RAD50: variants seen among roughly 807,000 people sequenced by gnomAD.
The protein encoded by RAD50 is RAD50 double strand break repair protein.
In RAD50, 132 loss-of-function variants were observed where a neutral mutation model predicts 168.8. The observed-to-expected ratio is 0.78, with a 90% CI of 0.68 to 0.90. RAD50 has a LOEUF of 0.90. RAD50 is among the 40% of genes least tolerant of loss of function. The pLI is 0.00. For synonymous variants in RAD50, 525 were observed against 497.4 expected, an observed-to-expected ratio of 1.06 and a Z score of -0.74; for missense variants, 1,347 against 1,534.4, an observed-to-expected ratio of 0.88 and a Z score of 2.04.
chr5:132,644,432 C>T lies in RAD50; in HGVS notation c.*2068C>T, dbSNP rs1751806789. 1 of 172,636 alleles carries T rather than the reference C, an allele frequency of 5.8e-6. No individual in the cohort carries two copies. The highest frequency in any genetic ancestry group is 2.4e-5 in the African/African-American group (1 of 42,094). 10.7% of individuals were successfully genotyped at this position (172,636 alleles called of 1,614,324 possible). On this transcript the variant is annotated 3_prime_UTR_variant, in exon 25 of 25. Transcript: ENST00000378823. ...TGGGCTCAAATCCTAGCACACCACT[C>T]ACTAGCTGGGGACCTTGAGCAAGTT...
Position 132,587,983 on chromosome 5 carries a change from A to G in RAD50, c.945A>G (p.Val315=), listed in dbSNP as rs945898690. The change falls in exon 7 of 25, where the codon GTA becomes GTG. Residue 315 remains valine (V), a synonymous_variant. Transcript: ENST00000378823. The part of the protein sequence containing the change: ...NDLYHNHQRT[V]REKERKLVDC... ...TATATCACAATCACCAGAGAACAGT[A>G]AGGGAGAAAGAAAGGAAATTGGTAG... 6.2e-7 allele frequency: 1 copy of G among 1,612,396 alleles called. No individual in the cohort carries two copies. The highest frequency in any genetic ancestry group is 8.5e-7 in the Non-Finnish European group (1 of 1,178,694).
At chr5:132,592,635 C>A in intron 11 of RAD50, 1 of 265,862 alleles carries the variant, frequency 3.8e-6, no homozygotes, top group Non-Finnish European at 7.9e-6. Flanking sequence ...AGAAAGTCAG[C>A]AAGCAAAATG....
intron 2 of RAD50, among the ~76,000 whole-genome samples, chr5:132,574,187 C>G (rs1750355144): frequency 6.6e-6 from 1 of 152,192 alleles, no homozygotes; most frequent in African/African-American, 2.4e-5. Flanking sequence ...CCATAAGGGC[C>G]CCACCCCTGC....
rs780445003 is a variant in RAD50, at chr5:132,603,492, A to G, written c.2397+3A>G. On this transcript the variant is annotated splice_donor_region_variant and intron_variant, in intron 14 of 24. Coordinates refer to ENST00000378823, the MANE Select transcript of RAD50 (RefSeq NM_005732.4). The stretch of plus-strand genomic sequence containing the variant: ...TTACAATTATGGAGAGGTTCCAGGT[A>G]AGTTTATTGTAGTTTAAGGCAGAAT... 6.2e-7 allele frequency: 1 copy of G among 1,613,182 alleles called. No individual in the cohort carries two copies. The highest frequency in any genetic ancestry group is 2.2e-5 in the East Asian group (1 of 44,802).
In RAD50 at chr5:132,579,957, A is replaced by G. The variant is rs1561636222; in HGVS notation, c.647A>G (p.Tyr216Cys). The change falls in exon 5 of 25, where the codon TAT becomes TGT. Residue 216 changes from tyrosine (Y) to cysteine (C), a missense_variant. Tyr to Cys is a radical substitution (Grantham distance 194). This residue lies in a region of RAD50 where 703 missense variants were observed against 767.7 expected (regional missense o/e 0.92). Transcript: ENST00000378823. ...YQMELKYLKQ[Y>C]KEKACEIRDQ... is the part of the protein sequence containing the mutation. ...ATGGAACTAAAATATCTGAAGCAAT[A>G]TAAGGAAAAAGCTTGTGAGATTCGT... 2 of 1,611,900 alleles carry G rather than the reference A, an allele frequency of 1.2e-6. No individual in the cohort carries two copies. Among genetic ancestry groups the G allele is most frequent in the African/African-American group, 1.3e-5 (1 of 75,018 alleles).
At chr5:132,628,211 G>A (rs1238888713) in intron 21 of RAD50, among the ~76,000 whole-genome samples, 1 of 152,150 alleles carries the variant, frequency 6.6e-6, no homozygotes, top group Admixed American at 6.5e-5. Context: ...GTACACTGGG[G>A]AGTCATCAGC....
intron 19 of RAD50, among the ~76,000 whole-genome samples, chr5:132,609,642 C>T (rs1013163975): frequency 9.9e-5 from 15 of 151,934 alleles, no homozygotes; most frequent in African/African-American, 1.7e-4. Context: ...ATTAGCTGGC[C>T]GTGGCGGCGC....
At position 132,608,719 on chromosome 5, in the gene RAD50, G is replaced by T; in HGVS notation, c.2823G>T (p.Gln941His). Reference protein sequence around the residue: ...NKKNTSNKIAQDKLNDIKEKV... With the variant: ...NKKNTSNKIAHDKLNDIKEKV... ...AAAATACAAGCAACAAAATAGCACAGGATAAAGTAAGATTTCATTTATATA... is the reference window on the plus strand; with the variant it reads ...AAAATACAAGCAACAAAATAGCACATGATAAAGTAAGATTTCATTTATATA... Residue 941 changes from glutamine (Q) to histidine (H), a missense_variant, in exon 17 of 25, where the codon CAG (glutamine) becomes CAT (histidine). Gln to His is a conservative substitution (Grantham distance 24). This residue lies in a region of RAD50 where 635 missense variants were observed against 739.2 expected (regional missense o/e 0.86). Transcript: ENST00000378823. 6.3e-7 allele frequency: 1 copy of T among 1,580,668 alleles called. No homozygotes were observed. Among genetic ancestry groups the T allele is most frequent in the South Asian group, 1.2e-5 (1 of 85,882 alleles).
Position 132,603,986 on chromosome 5 carries a change from G to C in RAD50, c.2464G>C (p.Asp822His), listed in dbSNP as rs587782501. The C allele has an allele frequency of 5.0e-6, 8 of 1,613,454 alleles. No homozygotes were observed. The highest frequency in any genetic ancestry group is 1.7e-4 in the Middle Eastern group (1 of 6,050). Reference sequence around the variant, plus strand: ...AGCTAAGCTACAAGGAATAGACTTAGATCGAACTGTCCAACAAGTCAACCA... The same window carrying C: ...AGCTAAGCTACAAGGAATAGACTTACATCGAACTGTCCAACAAGTCAACCA... ...QAAKLQGIDL[D>H]RTVQQVNQEK... Residue 822 changes from aspartate to histidine, a missense_variant, in exon 15 of 25, where the codon GAT becomes CAT. Physicochemically the swap from Asp to His is moderately conservative, Grantham distance 81 (BLOSUM62 -1). Transcript: ENST00000378823.
In RAD50 at chr5:132,599,493, T is replaced by C. The variant is rs537744498; in HGVS notation, c.2207+3683T>C. ...TCTTCCCAATAGTAGGAAATAACAT[T>C]ATAAAACACTTTTTTTAAGTTTAAA... On this transcript the variant is annotated intron_variant, in intron 13 of 24. Transcript: ENST00000378823. Among the ~76,000 whole-genome samples the C allele has an allele frequency of 4.6e-5, 7 of 152,296 alleles. No homozygotes were observed. The East Asian group carries it at 1.2e-3, about 25-fold the overall frequency.
intron 5 of RAD50, among the ~76,000 whole-genome samples, chr5:132,586,997 G>A (rs1396574069): frequency 4.6e-5 from 7 of 152,248 alleles, no homozygotes; most frequent in South Asian, 2.1e-4. Context: ...AGAATGCCCC[G>A]AACCAGATCC....
intron 16 of RAD50, 29 bp from the exon 17 acceptor site, chr5:132,608,586 A>G (rs1751025872): frequency 1.3e-6 from 2 of 1,489,880 alleles, no homozygotes; most frequent in Non-Finnish European, 9.1e-7. Flanking sequence ...GGAATATTAT[A>G]TAATACTTTA....
In RAD50 at chr5:132,640,822, C is replaced by T. The variant is rs1350488185; in HGVS notation, c.3752+17C>T. ...TCTGGTTGAGTAAGTATCTCTTGCACATGCTCTGGTTGAGTAAGTATCTCA... is the reference window on the plus strand; with the variant it reads ...TCTGGTTGAGTAAGTATCTCTTGCATATGCTCTGGTTGAGTAAGTATCTCA... On this transcript the variant is annotated intron_variant, in intron 24 of 24. Coordinates refer to ENST00000378823, the MANE Select transcript of RAD50 (RefSeq NM_005732.4). The T allele has an allele frequency of 6.2e-7, 1 of 1,613,138 alleles. No individual in the cohort carries two copies. The highest frequency in any genetic ancestry group is 8.5e-7 in the Non-Finnish European group (1 of 1,179,480).
intron 1 of RAD50, among the ~76,000 whole-genome samples, chr5:132,558,615 G>A (rs1750058519): frequency 6.6e-6 from 1 of 151,788 alleles, no homozygotes; most frequent in South Asian, 2.1e-4. Flanking sequence ...GGAGGCCGAG[G>A]CGGGAGAATC....
intron 20 of RAD50, 46 bp downstream of exon 20, chr5:132,616,176 C>T (rs539224927): frequency 2.5e-6 from 4 of 1,571,802 alleles, no homozygotes; most frequent in Admixed American, 3.4e-5. Context: ...GTCTTTATTA[C>T]TGGAATGTGA....
In RAD50 at chr5:132,587,607, C is replaced by T. The variant is rs760954965; in HGVS notation, c.802C>T (p.Leu268Phe). Reference protein sequence around the residue: ...IEHNLSKIMKLDNEIKALDSR... With the variant: ...IEHNLSKIMKFDNEIKALDSR... ...ACATAATCTCTCTAAAATAATGAAACTTGACAATGAAATTAAAGCCTTGGA... is the reference window on the plus strand; with the variant it reads ...ACATAATCTCTCTAAAATAATGAAATTTGACAATGAAATTAAAGCCTTGGA... The change falls in exon 6 of 25, where the codon CTT becomes TTT. Residue 268 changes from leucine to phenylalanine, a missense_variant. This residue lies in a region of RAD50 where 703 missense variants were observed against 767.7 expected (regional missense o/e 0.92). Coordinates refer to ENST00000378823, the MANE Select transcript of RAD50 (RefSeq NM_005732.4). 1.2e-6 allele frequency: 2 copies of T among 1,613,426 alleles called. No individual in the cohort carries two copies. Among genetic ancestry groups the T allele is most frequent in the Non-Finnish European group, 1.7e-6 (2 of 1,179,798 alleles).
chr5:132,598,293 G>A (rs926833685), intron 13 of RAD50, among the ~76,000 whole-genome samples: 1 of 151,536 alleles, frequency 6.6e-6, no homozygotes, highest in Non-Finnish European at 1.5e-5. Flanking sequence ...TCAGGCAATC[G>A]CCTGCCTCAG....
chr5:132,564,240 A>G (rs1281954335), intron 2 of RAD50, among the ~76,000 whole-genome samples: 2 of 152,350 alleles, frequency 1.3e-5, no homozygotes, highest in East Asian at 3.9e-4. Flanking sequence ...AAAGTTTGGA[A>G]CTTCCTAGAG....
At chr5:132,637,819 A>G (rs1364516345) in intron 22 of RAD50, among the ~76,000 whole-genome samples, 1 of 152,182 alleles carries the variant, frequency 6.6e-6, no homozygotes, top group African/African-American at 2.4e-5. Flanking sequence ...GGCGTGAGCC[A>G]CCGCGCCTGG....
Sources: allele counts gnomAD v4.1 joint callset (sites outside exome capture counted in the v4.1 genomes callset), GRCh38; gene constraint gnomAD v4.1.1; regional missense constraint gnomAD v4.1.1; transcripts MANE v1.5; gene names NCBI Gene and HGNC (gene_info 2026-07-23, HGNC 2026-07-21).